The following KIF16B variants were observed in gnomAD, a reference collection of about 807,000 sequenced individuals.
The protein encoded by KIF16B is kinesin family member 16B, also known as kinesin-like protein KIF16B.
Under a neutral mutation model 156.3 loss-of-function variants are expected in KIF16B, and 98 were observed. The ratio of observed to expected loss-of-function variants is 0.63; its 90% CI spans 0.53 to 0.74. KIF16B has a LOEUF of 0.74. Ranked by LOEUF, KIF16B falls within the 30% of genes least tolerant of loss-of-function variation. The probability of loss-of-function intolerance (pLI) is 0.00; values close to 1 mark genes in which losing one functional copy is unlikely to be tolerated. For missense variants in KIF16B, 1,421 were observed against 1,606.5 expected (o/e 0.88, Z 1.97); for synonymous variants, 564 against 583.7 (o/e 0.97, Z 0.49).
intron 24 of KIF16B, among the ~76,000 whole-genome samples, chr20:16,331,339 A>G (rs994781074): frequency 2.0e-5 from 3 of 152,226 alleles, no homozygotes; most frequent in Non-Finnish European, 4.4e-5. Flanking sequence ...CCAGGAGACC[A>G]CGGCTAAACT....
At chr20:16,433,580 GAC>G (rs11469019) in intron 12 of KIF16B, among the ~76,000 whole-genome samples, 149,941 of 150,850 alleles carry the variant, frequency 0.99, 74,521 homozygotes, top group Middle Eastern at 1. Flanking sequence ...CCAGCATGTA[GAC>G]ACACACACAC....
At chr20:16,537,169 G>A (rs148945485) in intron 1 of KIF16B, among the ~76,000 whole-genome samples, 97 of 152,248 alleles carry the variant, frequency 6.4e-4, no homozygotes, top group African/African-American at 2.2e-3. Flanking sequence ...AACTCCTTCA[G>A]TGACTTCCCA....
rs1229484504 is a variant in KIF16B at position 16,528,424 on chromosome 20, C to T, written c.64G>A (p.Ala22Thr). ...TTCTCCATCTGAATAATGAACTTGG[C>T]CTCCAAGTCCTTTTCCCTGCAATAC... Reference protein sequence around the residue: ...PMNRREKDLEAKFIIQMEKSK... With the variant: ...PMNRREKDLETKFIIQMEKSK... The change falls in exon 2 of 26, where the codon GCC (alanine) becomes ACC (threonine). Residue 22 changes from alanine (A) to threonine (T), a missense_variant. Transcript: ENST00000354981. The T allele has an allele frequency of 1.2e-6, 2 of 1,611,438 alleles. No homozygotes were observed. Among genetic ancestry groups the T allele is most frequent in the Non-Finnish European group, 1.7e-6 (2 of 1,177,596 alleles).
intron 25 of KIF16B, among the ~76,000 whole-genome samples, chr20:16,301,487 G>A (rs2063470577): frequency 6.6e-6 from 1 of 152,146 alleles, no homozygotes; most frequent in African/African-American, 2.4e-5. Flanking sequence ...AACCTCACCA[G>A]CATTTGGTGC....
intron 24 of KIF16B, among the ~76,000 whole-genome samples, chr20:16,331,905 C>T (rs1001235438): frequency 1.3e-5 from 2 of 152,068 alleles, no homozygotes; most frequent in African/African-American, 2.4e-5. Flanking sequence ...TTGACAAATA[C>T]GTAATAAACA....
chr20:16,412,502 C>G lies in KIF16B; in HGVS notation c.1613-6046G>C, dbSNP rs571347307. Among the ~76,000 whole-genome samples, 8 of 152,274 alleles carry G rather than the reference C, an allele frequency of 5.3e-5. No homozygotes were observed. In the South Asian group the frequency reaches 1.7e-3, roughly 32 times the overall value. On this transcript the variant is annotated intron_variant, in intron 15 of 25. Transcript: ENST00000354981. ...TAATTTATAAAGTAAAGAGATGTAA[C>G]TGACTCACAGTTCAGCATAGCTGAA...
chr20:16,431,694 AAT>A (rs1055088486), intron 12 of KIF16B, among the ~76,000 whole-genome samples: 8 of 151,836 alleles, frequency 5.3e-5, no homozygotes, highest in African/African-American at 1.7e-4. Flanking sequence ...GACAACCAAA[AAT>A]GTCTCCAGAC....
intron 12 of KIF16B, among the ~76,000 whole-genome samples, chr20:16,488,686 C>T (rs2068195450): frequency 6.6e-6 from 1 of 152,134 alleles, no homozygotes; most frequent in Non-Finnish European, 1.5e-5. Flanking sequence ...ATTGTAGCCA[C>T]GCAAAAGGGA....
At chr20:16,459,933 T>C (rs765757377) in intron 12 of KIF16B, among the ~76,000 whole-genome samples, 3 of 152,182 alleles carry the variant, frequency 2.0e-5, no homozygotes, top group Non-Finnish European at 4.4e-5. Context: ...GTCAAATGCA[T>C]GTATGTCTCA....
At chr20:16,541,094 C>A (rs911247120) in intron 1 of KIF16B, among the ~76,000 whole-genome samples, 2 of 152,128 alleles carry the variant, frequency 1.3e-5, no homozygotes, top group Admixed American at 6.5e-5. Context: ...TCAGGGAGGG[C>A]TAGTCTCCTC....
intron 25 of KIF16B, among the ~76,000 whole-genome samples, chr20:16,281,509 C>T (rs1028904001): frequency 6.6e-6 from 1 of 152,178 alleles, no homozygotes; most frequent in Non-Finnish European, 1.5e-5. Flanking sequence ...TATGATCCAT[C>T]CAGTCAAGTC....
intron 12 of KIF16B, among the ~76,000 whole-genome samples, chr20:16,491,996 C>T (rs1281531178): frequency 6.6e-6 from 1 of 152,198 alleles, no homozygotes; most frequent in Non-Finnish European, 1.5e-5. Context: ...CTTCTCCCCA[C>T]CCACTGACTT....
rs144621795 is a variant in KIF16B at position 16,428,985 on chromosome 20, C to T, written c.1442G>A (p.Gly481Asp). ...TTGCTCCGTGGAAGCATCGTCTCTA[C>T]CAACGTATGTCTGACCTTCCTGGGA... ...YHLKEGQTYV[G>D]RDDASTEQDI... is the part of the protein sequence containing the mutation. The change falls in exon 14 of 26, where the codon GGT becomes GAT. Residue 481 changes from glycine (G) to aspartate (D), a missense_variant. By Grantham distance (94) the Gly-to-Asp change is moderately conservative. Coordinates refer to ENST00000354981, the MANE Select transcript of KIF16B (RefSeq NM_024704.5). 4.5e-4 allele frequency: 733 copies of T among 1,613,146 alleles called. 1 individual carries two copies. The highest frequency in any genetic ancestry group is 5.4e-4 in the Non-Finnish European group (635 of 1,179,392).
At chr20:16,343,637 T>C (rs998857058) in intron 23 of KIF16B, among the ~76,000 whole-genome samples, 2 of 152,218 alleles carry the variant, frequency 1.3e-5, no homozygotes, top group African/African-American at 4.8e-5. Flanking sequence ...GACATAACTA[T>C]GAACATGTTT....
intron 12 of KIF16B, among the ~76,000 whole-genome samples, chr20:16,431,876 C>T (rs201385627): frequency 2.8e-5 from 4 of 143,488 alleles, no homozygotes; most frequent in Non-Finnish European, 4.5e-5. Context: ...TATATATATA[C>T]ATATATATAT....
At chr20:16,331,614 A>G (rs1349983177) in intron 24 of KIF16B, among the ~76,000 whole-genome samples, 1 of 152,200 alleles carries the variant, frequency 6.6e-6, no homozygotes, top group Non-Finnish European at 1.5e-5. Flanking sequence ...CAATTAAGAG[A>G]GCCAGAATAG....
At position 16,446,585 on chromosome 20, in the gene KIF16B, C is replaced by T. The variant is rs139944092; in HGVS notation, c.1303-16603G>A. Among the ~76,000 whole-genome samples, 915 of 152,074 alleles carry T rather than the reference C, an allele frequency of 6.0e-3. 11 individuals are homozygous for T. The highest frequency in any genetic ancestry group is 0.021 in the African/African-American group (871 of 41,458). ...ATTAAAATACAGAAATGTTAGGTAACGGAAATCAACAAAATTAAAACAATT... is the reference window on the plus strand; with the variant it reads ...ATTAAAATACAGAAATGTTAGGTAATGGAAATCAACAAAATTAAAACAATT... On this transcript the variant is annotated intron_variant, in intron 12 of 25. Coordinates refer to ENST00000354981, the MANE Select transcript of KIF16B (RefSeq NM_024704.5).
chr20:16,409,626 G>A (rs1301781567), intron 15 of KIF16B, among the ~76,000 whole-genome samples: 1 of 151,922 alleles, frequency 6.6e-6, no homozygotes, highest in Non-Finnish European at 1.5e-5. Flanking sequence ...CTGGGGGAAA[G>A]GGTTACCAAA....
intron 25 of KIF16B, among the ~76,000 whole-genome samples, chr20:16,274,811 C>T (rs1367652179): frequency 6.6e-6 from 1 of 152,116 alleles, no homozygotes; most frequent in East Asian, 1.9e-4. Flanking sequence ...ATTATCTGGC[C>T]CAAATGTCGA....
Sources: gnomAD v4.1 joint callset for allele counts (sites outside exome capture counted in the v4.1 genomes callset) on GRCh38, gnomAD v4.1.1 for gene constraint, MANE v1.5 for transcripts, NCBI Gene and HGNC (gene_info 2026-07-23, HGNC 2026-07-21) for gene names.